Variants in BCAS1 observed in about 807,000 individuals in gnomAD.
BCAS1 encodes brain enriched myelin associated protein 1, also known as breast carcinoma-amplified sequence 1.
BCAS1 carries 46 observed loss-of-function variants against 65.4 expected under a neutral mutation model. The observed-to-expected ratio is 0.70, with a 90% confidence interval of 0.55 to 0.90. The LOEUF is 0.90. Among genes scored for constraint, BCAS1 ranks in the 40% least tolerant of loss-of-function variants. The probability of loss-of-function intolerance (pLI) is 0.00; values close to 1 mark genes in which losing one functional copy is unlikely to be tolerated. For synonymous variants in BCAS1, 298 were observed against 293.5 expected, an observed-to-expected ratio of 1.02 and a Z score of -0.16; for missense variants, 793 against 771.2, an observed-to-expected ratio of 1.03 and a Z score of -0.33.
intron 4 of BCAS1, among the ~76,000 whole-genome samples, chr20:54,016,745 CTTTTCTGAGATGGAAA>C (rs2091446371): frequency 1.3e-5 from 2 of 152,188 alleles, no homozygotes; most frequent in African/African-American, 4.8e-5. Context: ...CCTCTGGCAT[CTTTTCTGAGATGGAAA>C]TTGAGTCTGG....
At chr20:53,952,697 T>C (rs1053324159) in intron 12 of BCAS1, among the ~76,000 whole-genome samples, 4 of 152,196 alleles carry the variant, frequency 2.6e-5, no homozygotes, top group African/African-American at 4.8e-5. Context: ...AGGCAACCAA[T>C]TGATCAGACC....
chr20:53,945,964 G>A (rs967357864), intron 12 of BCAS1, among the ~76,000 whole-genome samples: 10 of 151,882 alleles, frequency 6.6e-5, no homozygotes, highest in African/African-American at 2.2e-4. Context: ...TGTAGAGACG[G>A]GGTCTCAATT....
chr20:54,060,553 C>G (rs1404542045), intron 1 of BCAS1, among the ~76,000 whole-genome samples: 1 of 148,718 alleles, frequency 6.7e-6, no homozygotes, highest in African/African-American at 2.4e-5. Context: ...AGTGCCTGGC[C>G]TCATGTGATC....
At chr20:53,975,284 C>A in intron 9 of BCAS1, 105 bp downstream of exon 9, 4 of 947,382 alleles carry the variant, frequency 4.2e-6, no homozygotes, top group Non-Finnish European at 3.4e-6. Flanking sequence ...ACGAATCACA[C>A]TGGCAGCATG....
intron 9 of BCAS1, among the ~76,000 whole-genome samples, chr20:53,971,927 TA>T (rs1186312960): frequency 6.6e-6 from 1 of 152,178 alleles, no homozygotes; most frequent in Non-Finnish European, 1.5e-5. Flanking sequence ...TTTCAAGAGT[TA>T]AAAAAAGATT....
chr20:54,064,850 C>T (rs2146366760), intron 1 of BCAS1, among the ~76,000 whole-genome samples: 1 of 152,278 alleles, frequency 6.6e-6, no homozygotes, highest in South Asian at 2.1e-4. Flanking sequence ...TTCTGATTTG[C>T]ATATATTTGC....
intron 10 of BCAS1, among the ~76,000 whole-genome samples, chr20:53,964,799 GT>G (rs10714790): frequency 0.034 from 4,891 of 142,838 alleles, 117 homozygotes; most frequent in East Asian, 0.096. Flanking sequence ...TGGTTTAGAG[GT>G]TTTTTTTTTT....
intron 3 of BCAS1, among the ~76,000 whole-genome samples, chr20:54,037,052 CT>C (rs11482530): frequency 0.048 from 7,218 of 148,892 alleles, 531 homozygotes; most frequent in East Asian, 0.23. Flanking sequence ...GAAGAATTAT[CT>C]TTTTTTTTTC....
At chr20:54,048,880 G>T (rs1445577721) in intron 3 of BCAS1, among the ~76,000 whole-genome samples, 1 of 152,178 alleles carries the variant, frequency 6.6e-6, no homozygotes, top group Admixed American at 6.5e-5. Context: ...CTTGTGCTGA[G>T]CTCTGGGACC....
At chr20:54,065,987 G>A (rs1300148560) in intron 1 of BCAS1, among the ~76,000 whole-genome samples, 3 of 152,086 alleles carry the variant, frequency 2.0e-5, no homozygotes, top group Non-Finnish European at 2.9e-5. Context: ...TTTTTGTAGC[G>A]CCTACCTTAT....
At chr20:53,975,343 C>A (rs751810717) in intron 9 of BCAS1, 46 bp downstream of exon 9, 1 of 1,570,622 alleles carries the variant, frequency 6.4e-7, no homozygotes, top group Non-Finnish European at 8.8e-7. Flanking sequence ...TACAACATGG[C>A]GGAAGATGAG....
chr20:54,041,909 C>CAAAAAAAAAAAAA (rs796435949), intron 3 of BCAS1, among the ~76,000 whole-genome samples: 1 of 79,780 alleles, frequency 1.3e-5, no homozygotes, highest in Non-Finnish European at 2.2e-5. Context: ...CTGTCTCCCC[C>CAAAAAAAAAAAAA]AAAAAAAAAA....
At chr20:54,053,168 T>C (rs2092245987) in intron 3 of BCAS1, among the ~76,000 whole-genome samples, 1 of 152,182 alleles carries the variant, frequency 6.6e-6, no homozygotes, top group South Asian at 2.1e-4. Flanking sequence ...ACATCTAAAA[T>C]TGGTGAGTTA....
At chr20:54,011,178 T>C (rs373134841) in intron 4 of BCAS1, among the ~76,000 whole-genome samples, 16 of 151,412 alleles carry the variant, frequency 1.1e-4, no homozygotes, top group African/African-American at 3.9e-4. Flanking sequence ...AAAAAATCCA[T>C]AAAAGACCAA....
intron 11 of BCAS1, among the ~76,000 whole-genome samples, chr20:53,955,714 C>T (rs962864464): frequency 6.6e-6 from 1 of 152,130 alleles, no homozygotes; most frequent in African/African-American, 2.4e-5. Flanking sequence ...AAGGACACAC[C>T]AGTGTTCTCA....
chr20:54,067,848 TAGGTAACCC>T (rs1356646619), intron 1 of BCAS1, among the ~76,000 whole-genome samples: 1 of 152,206 alleles, frequency 6.6e-6, no homozygotes, highest in East Asian at 1.9e-4. Context: ...CAATGGAATG[TAGGTAACCC>T]AGGGGCCCTC....
intron 4 of BCAS1, among the ~76,000 whole-genome samples, chr20:54,021,728 C>T (rs770616905): frequency 6.6e-6 from 1 of 151,666 alleles, no homozygotes; most frequent in Non-Finnish European, 1.5e-5. Flanking sequence ...TGGGGCCTGT[C>T]GGGGGTTGGG....
At chr20:54,058,555 A>C in intron 2 of BCAS1, 92 bp downstream of exon 2, 2 of 1,529,110 alleles carry the variant, frequency 1.3e-6, no homozygotes, top group Non-Finnish European at 1.7e-6. Context: ...ATCAGCAGCC[A>C]GGACTTCAGT....
chr20:53,951,363 C>T (rs548693144), intron 12 of BCAS1, among the ~76,000 whole-genome samples: 3 of 152,258 alleles, frequency 2.0e-5, no homozygotes, highest in South Asian at 2.1e-4. Context: ...CCCAGCTACT[C>T]GGGAGACTGA....
Sources: gnomAD v4.1 joint callset for allele counts (sites outside exome capture counted in the v4.1 genomes callset) on GRCh38, gnomAD v4.1.1 for gene constraint, MANE v1.5 for transcripts, NCBI Gene and HGNC (gene_info 2026-07-23, HGNC 2026-07-21) for gene names.